FRMD5: variants seen among roughly 807,000 people sequenced by gnomAD.
FRMD5 encodes the protein FERM domain-containing protein 5.
A neutral mutation model predicts 69.0 loss-of-function variants in FRMD5; 20 were observed. The ratio of observed to expected loss-of-function variants is 0.29; its 90% CI spans 0.20 to 0.42. The LOEUF (loss-of-function observed/expected upper bound fraction) is 0.42. Among genes scored for constraint, FRMD5 ranks in the 10% least tolerant of loss-of-function variants. The pLI is 1.00. For missense variants in FRMD5, 595 were observed against 708.6 expected (o/e 0.84, Z 1.82); for synonymous variants, 271 against 260.1 (o/e 1.04, Z -0.40).
intron 1 of FRMD5, among the ~76,000 whole-genome samples, chr15:44,190,739 T>C (rs937361691): frequency 3.9e-5 from 6 of 152,200 alleles, no homozygotes; most frequent in Non-Finnish European, 7.3e-5. Context: ...GTTAGAACTG[T>C]TTATTGTTTT....
At chr15:44,112,030 A>G (rs571247511) in intron 1 of FRMD5, among the ~76,000 whole-genome samples, 12 of 152,070 alleles carry the variant, frequency 7.9e-5, no homozygotes, top group Non-Finnish European at 1.6e-4. Context: ...TTTTTAGTAG[A>G]GACGGGGTTT....
chr15:44,162,913 G>A (rs1047112822), intron 1 of FRMD5, among the ~76,000 whole-genome samples: 1 of 145,188 alleles, frequency 6.9e-6, no homozygotes, highest in Non-Finnish European at 1.5e-5. Context: ...GGTGGCTCAC[G>A]CCTGTAATCC....
chr15:43,934,317 CCTTT>C (rs2089723723), intron 1 of FRMD5, among the ~76,000 whole-genome samples: 1 of 152,150 alleles, frequency 6.6e-6, no homozygotes, highest in African/African-American at 2.4e-5. Flanking sequence ...GGTCATTTTC[CCTTT>C]CTGTGCCTCA....
At chr15:43,877,891 T>C (rs2088408622) in intron 13 of FRMD5, among the ~76,000 whole-genome samples, 1 of 152,208 alleles carries the variant, frequency 6.6e-6, no homozygotes, top group Admixed American at 6.5e-5. Flanking sequence ...GCTGATCATA[T>C]CTATTAAGTC....
intron 1 of FRMD5, among the ~76,000 whole-genome samples, chr15:44,191,930 A>C (rs1163747936): frequency 1.9e-4 from 15 of 77,254 alleles, no homozygotes; most frequent in African/African-American, 7.4e-4. Flanking sequence ...TATTATATAT[A>C]TATATATATA....
chr15:44,155,801 G>C (rs1442376690), intron 1 of FRMD5, among the ~76,000 whole-genome samples: 2 of 151,922 alleles, frequency 1.3e-5, no homozygotes, highest in East Asian at 3.9e-4. Context: ...ACCAACGTTG[G>C]CCAGGCTGGT....
At chr15:44,086,551 C>G (rs1231843342) in intron 1 of FRMD5, among the ~76,000 whole-genome samples, 1 of 152,028 alleles carries the variant, frequency 6.6e-6, no homozygotes, top group African/African-American at 2.4e-5. Flanking sequence ...CCAGGGGCTG[C>G]AGGTAGGAGA....
chr15:43,885,360 G>C (rs563791004), intron 11 of FRMD5, among the ~76,000 whole-genome samples: 4 of 152,230 alleles, frequency 2.6e-5, no homozygotes, highest in Non-Finnish European at 5.9e-5. Flanking sequence ...ATTTTTAGTA[G>C]AGATGGGGTT....
intron 1 of FRMD5, among the ~76,000 whole-genome samples, chr15:44,038,093 G>A (rs1285269024): frequency 1.3e-5 from 2 of 152,084 alleles, no homozygotes; most frequent in Non-Finnish European, 2.9e-5. Context: ...CCACATAAAT[G>A]TCTTCTTTTG....
In FRMD5 at chr15:44,156,738, A is replaced by C. The variant is rs931578350; in HGVS notation, c.102+38215T>G. Among the ~76,000 whole-genome samples, 17 of 152,156 alleles carry C rather than the reference A, an allele frequency of 1.1e-4. No homozygotes were observed. In the East Asian group the frequency reaches 1.2e-3, roughly 10 times the overall value. The stretch of plus-strand genomic sequence containing the variant: ...AAAATAGGATTTGATATGCATCTTG[A>C]CTTACACCCATTATATGTTTGGTGC... On this transcript the variant is annotated intron_variant, in intron 1 of 13. Transcript: ENST00000417257.
chr15:44,046,358 GA>G (rs1192975501), intron 1 of FRMD5, among the ~76,000 whole-genome samples: 2 of 152,156 alleles, frequency 1.3e-5, no homozygotes, highest in African/African-American at 2.4e-5. Context: ...CACACATAGT[GA>G]AAAAATAATT....
rs147829143 is a variant in FRMD5 at position 44,135,975 on chromosome 15, G to A, written c.102+58978C>T. ...TCTGACACCAGTTAAGTTTTGGGTC[G>A]CAGTAAGTAATGCCAGGAAAATTAT... On this transcript the variant is annotated intron_variant, in intron 1 of 13. Transcript: ENST00000417257. Among the ~76,000 whole-genome samples the A allele has an allele frequency of 3.2e-3, 491 of 152,044 alleles. 4 individuals carry two copies. The highest frequency in any genetic ancestry group is 0.011 in the African/African-American group (458 of 41,488).
intron 1 of FRMD5, among the ~76,000 whole-genome samples, chr15:44,122,465 T>C (rs2076966562): frequency 2.0e-5 from 3 of 151,970 alleles, no homozygotes; most frequent in African/African-American, 7.2e-5. Context: ...GCACTTGGGC[T>C]GTACTGTGTG....
intron 1 of FRMD5, among the ~76,000 whole-genome samples, chr15:44,071,518 A>C (rs535112602): frequency 3.5e-4 from 53 of 152,296 alleles, no homozygotes; most frequent in African/African-American, 1.3e-3. Context: ...CTCCCTACTT[A>C]ATACAATTTA....
At chr15:43,933,329 T>C (rs1367304755) in intron 1 of FRMD5, among the ~76,000 whole-genome samples, 1 of 152,178 alleles carries the variant, frequency 6.6e-6, no homozygotes, top group African/African-American at 2.4e-5. Flanking sequence ...TTAGGAAGCA[T>C]ACCATACTCC....
In FRMD5 at chr15:44,064,427, C is replaced by A. The variant is rs538326050; in HGVS notation, c.102+130526G>T. On this transcript the variant is annotated intron_variant, in intron 1 of 13. Coordinates refer to ENST00000417257, the MANE Select transcript of FRMD5 (RefSeq NM_032892.5). The stretch of plus-strand genomic sequence containing the variant: ...CCAACATTGAGAAACCCCGTCCCTA[C>A]TAAAAATACAAAATTAGCTGGGCGT... 201 of 152,690 alleles carry A rather than the reference C, an allele frequency of 1.3e-3. 1 individual carries two copies. The highest frequency in any genetic ancestry group is 3.3e-3 in the Middle Eastern group (1 of 300). 9.5% of individuals were successfully genotyped at this position (152,690 alleles called of 1,614,324 possible). A position where few individuals can be genotyped will look rare whatever the true frequency, so the allele number is the denominator to read the frequency against.
At chr15:44,112,475 T>TA (rs2076810806) in intron 1 of FRMD5, among the ~76,000 whole-genome samples, 1 of 151,864 alleles carries the variant, frequency 6.6e-6, no homozygotes, top group Admixed American at 6.6e-5. Context: ...ACTGATTTTT[T>TA]TTTTTTTTTT....
At chr15:43,921,195 G>C (rs2089487807) in intron 2 of FRMD5, among the ~76,000 whole-genome samples, 2 of 152,230 alleles carry the variant, frequency 1.3e-5, no homozygotes, top group Admixed American at 6.5e-5. Context: ...GTATGCCTGT[G>C]AAGACGGAGG....
At chr15:43,917,267 C>G (rs2089407355) in intron 4 of FRMD5, among the ~76,000 whole-genome samples, 1 of 152,180 alleles carries the variant, frequency 6.6e-6, no homozygotes, top group Non-Finnish European at 1.5e-5. Flanking sequence ...GACAGGAGTA[C>G]CAACTTTGGG....
Sources: gnomAD v4.1 joint callset for allele counts (sites outside exome capture counted in the v4.1 genomes callset) on GRCh38, gnomAD v4.1.1 for gene constraint, MANE v1.5 for transcripts, NCBI Gene and HGNC (gene_info 2026-07-23, HGNC 2026-07-21) for gene names.